KLHL29: variants seen among roughly 807,000 people sequenced by gnomAD.
The protein encoded by KLHL29 is kelch-like protein 29.
In KLHL29, 21 loss-of-function variants were observed where a neutral mutation model predicts 80.4. That is an observed-to-expected ratio of 0.26 (90% CI 0.19 to 0.38). The LOEUF (loss-of-function observed/expected upper bound fraction) is 0.38, where lower values mean the gene tolerates loss of function less well. KLHL29 is among the 10% of genes least tolerant of loss of function. The probability of loss-of-function intolerance (pLI) is 1.00; values close to 1 mark genes in which losing one functional copy is unlikely to be tolerated. For synonymous variants in KLHL29, 511 were observed against 526.8 expected, an observed-to-expected ratio of 0.97 and a Z score of 0.41; for missense variants, 867 against 1,223.9, an observed-to-expected ratio of 0.71 and a Z score of 4.35.
rs1470384326 is a variant in KLHL29 at position 23,623,882 on chromosome 2, A to G, written c.286-15257A>G. Among the ~76,000 whole-genome samples the G allele has an allele frequency of 3.9e-5, 6 of 152,366 alleles. No homozygotes were observed. In the East Asian group the frequency reaches 1.2e-3, roughly 29 times the overall value. On this transcript the variant is annotated intron_variant, in intron 3 of 13. Transcript: ENST00000486442. Reference sequence around the variant, plus strand: ...ATGCAGAAGGAGAGAGCTGCCAGCTAGCTGTGACCAAGTTCTGGGTTTGGA... The same window carrying G: ...ATGCAGAAGGAGAGAGCTGCCAGCTGGCTGTGACCAAGTTCTGGGTTTGGA...
chr2:23,517,845 C>T (rs1390228344), intron 2 of KLHL29, among the ~76,000 whole-genome samples: 6 of 152,202 alleles, frequency 3.9e-5, no homozygotes, highest in Non-Finnish European at 5.9e-5. Flanking sequence ...TGTCTTCTTG[C>T]CTCTAAGATA....
chr2:23,520,992 A>AC (rs33915683), intron 2 of KLHL29, among the ~76,000 whole-genome samples: 6,289 of 90,448 alleles, frequency 0.07, 269 homozygotes, highest in African/African-American at 0.12. Flanking sequence ...TACAAAGACC[A>AC]CCCCCCCCCC....
intron 5 of KLHL29, among the ~76,000 whole-genome samples, chr2:23,659,041 C>A (rs565443212): frequency 2.0e-5 from 3 of 152,236 alleles, no homozygotes; most frequent in Admixed American, 1.3e-4. Flanking sequence ...CTGTCTCCCC[C>A]ACTCAACTGT....
At chr2:23,531,989 A>G (rs1666503845) in intron 2 of KLHL29, among the ~76,000 whole-genome samples, 2 of 152,190 alleles carry the variant, frequency 1.3e-5, no homozygotes, top group African/African-American at 4.8e-5. Context: ...AGGGACCTCA[A>G]CGGGACGACC....
intron 1 of KLHL29, among the ~76,000 whole-genome samples, chr2:23,392,054 TTTATGAAATTG>T (rs1370603818): frequency 1.3e-5 from 2 of 152,208 alleles, no homozygotes; most frequent in Non-Finnish European, 2.9e-5. Context: ...TCAGTTTTCT[TTTATGAAATTG>T]GAAGAAGCAG....
rs1672725421 is a variant in KLHL29, at chr2:23,706,375, TGCAAAAGGCACAGGCAGCC to T, written c.2445-105_2445-87del. 4 of 875,976 alleles carry T rather than the reference TGCAAAAGGCACAGGCAGCC, an allele frequency of 4.6e-6. No homozygotes were observed. The African/African-American group carries it at 7.1e-5, about 16-fold the overall frequency. The allele number at this position is 875,976 out of a possible 1,614,324, so 54.3% of individuals were successfully genotyped here. A position where few individuals can be genotyped will look rare whatever the true frequency, so the allele number is the denominator to read the frequency against. On this transcript the variant is annotated intron_variant, in intron 13 of 13. Transcript: ENST00000486442. ...GGGCAGCAAGATCCCAGATGCCTTC[TGCAAAAGGCACAGGCAGCC>T]TACAACAGGACACGACGTTGAGAAC...
chr2:23,494,803 C>T (rs758453045), intron 2 of KLHL29, among the ~76,000 whole-genome samples: 4 of 152,180 alleles, frequency 2.6e-5, no homozygotes, highest in Non-Finnish European at 5.9e-5. Context: ...TTGGTCCTCT[C>T]CCTGCTTTCC....
chr2:23,636,749 T>A (rs1226490060), intron 3 of KLHL29, among the ~76,000 whole-genome samples: 2 of 152,232 alleles, frequency 1.3e-5, no homozygotes, highest in Non-Finnish European at 2.9e-5. Context: ...GCCAAGGGGC[T>A]GAGCAATCTG....
intron 2 of KLHL29, among the ~76,000 whole-genome samples, chr2:23,502,487 G>A (rs1369260796): frequency 1.3e-5 from 2 of 152,232 alleles, no homozygotes; most frequent in Non-Finnish European, 2.9e-5. Flanking sequence ...AGATTTTCTG[G>A]CCCCTAAGGG....
At chr2:23,462,775 A>G (rs1163813644) in intron 1 of KLHL29, among the ~76,000 whole-genome samples, 2 of 152,226 alleles carry the variant, frequency 1.3e-5, no homozygotes, top group East Asian at 1.9e-4. Flanking sequence ...TTGAATATAG[A>G]TGCAACAAAA....
chr2:23,692,620 C>T (rs961982272), intron 7 of KLHL29, among the ~76,000 whole-genome samples: 1 of 152,140 alleles, frequency 6.6e-6, no homozygotes, highest in Non-Finnish European at 1.5e-5. Context: ...ACAGATGGGC[C>T]TCCAGAAACC....
At chr2:23,674,312 C>G (rs1233530400) in intron 5 of KLHL29, among the ~76,000 whole-genome samples, 1 of 152,086 alleles carries the variant, frequency 6.6e-6, no homozygotes, top group East Asian at 1.9e-4. Context: ...CAAACAGACA[C>G]AAGCCATCTG....
chr2:23,458,856 C>G (rs1323441623), intron 1 of KLHL29, among the ~76,000 whole-genome samples: 3 of 152,136 alleles, frequency 2.0e-5, no homozygotes, highest in Admixed American at 1.3e-4. Context: ...GGTCTTGGAG[C>G]CATGCTGTGC....
chr2:23,393,658 C>T (rs145607037), intron 1 of KLHL29, among the ~76,000 whole-genome samples: 3 of 152,300 alleles, frequency 2.0e-5, no homozygotes, highest in African/African-American at 7.2e-5. Context: ...AGTTTTTTCT[C>T]GAGATGGGTG....
intron 2 of KLHL29, among the ~76,000 whole-genome samples, chr2:23,496,271 GT>G (rs1206775022): frequency 2.6e-5 from 4 of 152,330 alleles, no homozygotes; most frequent in Admixed American, 1.3e-4. Flanking sequence ...AATTTTTTAT[GT>G]AATATGGTAT....
chr2:23,518,163 T>A (rs1388308204), intron 2 of KLHL29, among the ~76,000 whole-genome samples: 2 of 152,208 alleles, frequency 1.3e-5, no homozygotes, highest in East Asian at 3.9e-4. Context: ...GCCAACTTCC[T>A]CAGCCCCTCC....
intron 3 of KLHL29, among the ~76,000 whole-genome samples, chr2:23,603,556 C>T (rs1668627720): frequency 6.6e-6 from 1 of 152,304 alleles, no homozygotes; most frequent in Admixed American, 6.5e-5. Context: ...TTGAAAGGCC[C>T]TGGCACGTTT....
At chr2:23,426,704 G>A (rs956983016) in intron 1 of KLHL29, among the ~76,000 whole-genome samples, 3 of 152,178 alleles carry the variant, frequency 2.0e-5, no homozygotes, top group African/African-American at 4.8e-5. Flanking sequence ...AGTATGGCCC[G>A]AGAATCCAGT....
At chr2:23,414,790 C>CA (rs1227273419) in intron 1 of KLHL29, among the ~76,000 whole-genome samples, 1 of 152,236 alleles carries the variant, frequency 6.6e-6, no homozygotes, top group African/African-American at 2.4e-5. Flanking sequence ...AAAATACTGA[C>CA]ACCATGCAGT....
Sources: gnomAD v4.1 joint callset for allele counts (sites outside exome capture counted in the v4.1 genomes callset) on GRCh38, gnomAD v4.1.1 for gene constraint, MANE v1.5 for transcripts, NCBI Gene and HGNC (gene_info 2026-07-23, HGNC 2026-07-21) for gene names.